STX8: variants seen among roughly 807,000 people sequenced by gnomAD.
The protein encoded by STX8 is syntaxin-8.
STX8 carries 23 observed loss-of-function variants against 37.5 expected under a neutral mutation model. The ratio of observed to expected loss-of-function variants is 0.61; its 90% CI spans 0.44 to 0.87. The LOEUF is 0.87. STX8 is among the 40% of genes least tolerant of loss of function. The probability of loss-of-function intolerance (pLI) is 0.00; values close to 1 mark genes in which losing one functional copy is unlikely to be tolerated. For synonymous variants in STX8, 115 were observed against 99.1 expected, an observed-to-expected ratio of 1.16 and a Z score of -0.95; for missense variants, 313 against 284.7, an observed-to-expected ratio of 1.10 and a Z score of -0.71.
rs146448797 is a variant in STX8, at chr17:9,258,359, C to A, written c.644-7714G>T. Among the ~76,000 whole-genome samples the A allele has an allele frequency of 6.0e-3, 915 of 152,330 alleles. 11 individuals are homozygous for A. Among genetic ancestry groups the A allele is most frequent in the African/African-American group, 0.02 (813 of 41,568 alleles). On this transcript the variant is annotated intron_variant, in intron 7 of 7. Transcript: ENST00000306357. ...AAATACACGAAGAAAAGAGTAGACG[C>A]CGTGCAGAGAAGGTGAGCGTATTTA...
At chr17:9,460,164 T>C (rs1296648609) in intron 6 of STX8, among the ~76,000 whole-genome samples, 1 of 152,134 alleles carries the variant, frequency 6.6e-6, no homozygotes, top group African/African-American at 2.4e-5. Flanking sequence ...ATAAAGGAGA[T>C]GAAGGGGCTT....
chr17:9,399,147 T>C (rs1018918453), intron 6 of STX8, among the ~76,000 whole-genome samples: 1 of 151,866 alleles, frequency 6.6e-6, no homozygotes, highest in Admixed American at 6.6e-5. Flanking sequence ...CAGCAATAGA[T>C]TCAGGCATGT....
intron 7 of STX8, among the ~76,000 whole-genome samples, chr17:9,288,834 G>A (rs1473144781): frequency 6.6e-6 from 1 of 152,036 alleles, no homozygotes; most frequent in Non-Finnish European, 1.5e-5. Context: ...CAATTAAGGG[G>A]TGCAGCAGAA....
intron 7 of STX8, among the ~76,000 whole-genome samples, chr17:9,373,267 C>T (rs1304910907): frequency 5.9e-5 from 9 of 152,164 alleles, no homozygotes; most frequent in Admixed American, 5.9e-4. Context: ...AACTCCACTT[C>T]TGTATATATA....
Position 9,532,537 on chromosome 17 carries a change from T to C in STX8, c.323+12635A>G, listed in dbSNP as rs561695591. 1.6e-3 allele frequency among the ~76,000 whole-genome samples: 238 copies of C among 152,048 alleles called. 2 individuals carry two copies. The highest frequency in any genetic ancestry group is 5.3e-3 in the African/African-American group (219 of 41,484). On this transcript the variant is annotated intron_variant, in intron 4 of 7. Transcript: ENST00000306357. ...AAGTGGCTGCTTCTGGGGAAGAAAA[T>C]GGGAAACTGTAGGTGAGAAGTAGAA...
At chr17:9,441,318 T>C (rs901132055) in intron 6 of STX8, among the ~76,000 whole-genome samples, 9 of 151,848 alleles carry the variant, frequency 5.9e-5, no homozygotes, top group South Asian at 2.1e-4. Context: ...GATGAAACCC[T>C]GTCTCTACTA....
chr17:9,423,329 G>A (rs1228931991), intron 6 of STX8, among the ~76,000 whole-genome samples: 1 of 152,092 alleles, frequency 6.6e-6, no homozygotes, highest in Non-Finnish European at 1.5e-5. Flanking sequence ...ATTTTTTGTT[G>A]TCGTTGTTTT....
chr17:9,490,338 C>A (rs1906800860), intron 6 of STX8, among the ~76,000 whole-genome samples: 1 of 152,042 alleles, frequency 6.6e-6, no homozygotes, highest in Non-Finnish European at 1.5e-5. Context: ...AGGTGTTCGT[C>A]TATCCCCAGG....
chr17:9,324,580 T>C lies in STX8; in HGVS notation c.643+53972A>G, dbSNP rs984415538. On this transcript the variant is annotated intron_variant, in intron 7 of 7. Transcript: ENST00000306357. ...GAGTTCGAGACCAGCCTGGGCAACA[T>C]GGTGAAACCCTGTCTCTACTAAAAA... is the stretch of plus-strand genomic sequence containing the variant. Among the ~76,000 whole-genome samples the C allele has an allele frequency of 7.2e-5, 11 of 151,960 alleles. No individual in the cohort carries two copies. The South Asian group carries it at 1.5e-3, about 20-fold the overall frequency.
chr17:9,316,451 A>G (rs1909384393), intron 7 of STX8, among the ~76,000 whole-genome samples: 1 of 152,124 alleles, frequency 6.6e-6, no homozygotes, highest in African/African-American at 2.4e-5. Context: ...GTTGATCACC[A>G]ATGGTCAATA....
intron 4 of STX8, among the ~76,000 whole-genome samples, chr17:9,536,997 C>A (rs1462563145): frequency 1.3e-5 from 2 of 152,206 alleles, no homozygotes; most frequent in African/African-American, 4.8e-5. Context: ...CCACCCCCGC[C>A]CTGGCCTCCC....
intron 7 of STX8, among the ~76,000 whole-genome samples, chr17:9,289,469 T>TA (rs1430228081): frequency 6.6e-6 from 1 of 151,686 alleles, no homozygotes; most frequent in African/African-American, 2.4e-5. Context: ...AAGGAAAATA[T>TA]AAAAAAGACA....
intron 3 of STX8, among the ~76,000 whole-genome samples, chr17:9,546,596 T>TTTG (rs1906533218): frequency 8.2e-6 from 1 of 121,644 alleles, no homozygotes; most frequent in Non-Finnish European, 1.7e-5. Context: ...AAGTGGTTTT[T>TTTG]TTTTTTTTTT....
At chr17:9,525,597 C>T (rs1213859262) in intron 4 of STX8, among the ~76,000 whole-genome samples, 3 of 152,116 alleles carry the variant, frequency 2.0e-5, no homozygotes, top group African/African-American at 7.2e-5. Context: ...CTACCCGCCT[C>T]AGCCTCCCAA....
intron 6 of STX8, among the ~76,000 whole-genome samples, chr17:9,414,585 G>A (rs1913111679): frequency 6.6e-6 from 1 of 152,014 alleles, no homozygotes; most frequent in African/African-American, 2.4e-5. Flanking sequence ...AGTTGACAGA[G>A]TAAACTGTCT....
chr17:9,380,504 T>C (rs1911759925), intron 6 of STX8, among the ~76,000 whole-genome samples: 1 of 151,792 alleles, frequency 6.6e-6, no homozygotes, highest in Admixed American at 6.6e-5. Context: ...TCCTCTTGTG[T>C]CAGCCTCTCA....
intron 6 of STX8, among the ~76,000 whole-genome samples, chr17:9,429,179 G>T (rs1219762772): frequency 6.6e-6 from 1 of 150,712 alleles, no homozygotes; most frequent in African/African-American, 2.4e-5. Context: ...CATTTAAACT[G>T]TATAATTACA....
intron 7 of STX8, among the ~76,000 whole-genome samples, chr17:9,350,564 T>A (rs1035381290): frequency 6.6e-6 from 1 of 151,616 alleles, no homozygotes; most frequent in Non-Finnish European, 1.5e-5. Flanking sequence ...TGAGACGGAG[T>A]CTCTGTTGCC....
chr17:9,429,018 C>A (rs954270398), intron 6 of STX8, among the ~76,000 whole-genome samples: 11 of 151,970 alleles, frequency 7.2e-5, no homozygotes, highest in African/African-American at 2.2e-4. Context: ...TGAAAGGGTA[C>A]CTTTGACTTG....
Sources: allele counts gnomAD v4.1 joint callset (sites outside exome capture counted in the v4.1 genomes callset), GRCh38; gene constraint gnomAD v4.1.1; transcripts MANE v1.5; gene names NCBI Gene and HGNC (gene_info 2026-07-23, HGNC 2026-07-21).